The following MCC variants were observed in gnomAD, a reference collection of about 807,000 sequenced individuals.
The protein encoded by MCC is MCC regulator of Wnt signaling pathway.
MCC carries 90 observed loss-of-function variants against 116.2 expected under a neutral mutation model. The ratio of observed to expected loss-of-function variants is 0.77; its 90% CI spans 0.65 to 0.92. The LOEUF (loss-of-function observed/expected upper bound fraction) is 0.92, where lower values mean the gene tolerates loss of function less well. Among genes scored for constraint, MCC ranks in the 40% least tolerant of loss-of-function variants. MCC has a pLI of 0.00. For missense variants in MCC, 1,516 were observed against 1,312.2 expected, an observed-to-expected ratio of 1.16 and a Z score of -2.40; for synonymous variants, 578 against 510.5, an observed-to-expected ratio of 1.13 and a Z score of -1.78.
chr5:113,410,708 T>C (rs942221111), intron 1 of MCC, among the ~76,000 whole-genome samples: 1 of 152,236 alleles, frequency 6.6e-6, no homozygotes, highest in Non-Finnish European at 1.5e-5. Context: ...CTGCACCCAT[T>C]GAGACGTCAT....
chr5:113,164,514 A>AAAT (rs1760670335), intron 3 of MCC, among the ~76,000 whole-genome samples: 2 of 152,230 alleles, frequency 1.3e-5, no homozygotes, highest in African/African-American at 4.8e-5. Context: ...GGTAAATGGT[A>AAAT]GCCAGGACCA....
Position 113,366,032 on chromosome 5 carries a change from T to C in MCC, c.415+18936A>G, listed in dbSNP as rs151083168. Among the ~76,000 whole-genome samples, 595 of 152,324 alleles carry C rather than the reference T, an allele frequency of 3.9e-3. 6 individuals carry two copies. Among genetic ancestry groups the C allele is most frequent in the African/African-American group, 0.014 (571 of 41,578 alleles). On this transcript the variant is annotated intron_variant, in intron 2 of 18. Coordinates refer to ENST00000408903, the MANE Select transcript of MCC (RefSeq NM_001085377.2). ...GATGGTGACATAGATCCAAACCATA[T>C]CACCTCTCTTTCATATTTTACATCT...
At chr5:113,132,920 C>T (rs529459648) in intron 5 of MCC, among the ~76,000 whole-genome samples, 8 of 152,290 alleles carry the variant, frequency 5.3e-5, no homozygotes, top group African/African-American at 1.9e-4. Flanking sequence ...TCAATGGAAT[C>T]ATTTTTGTAT....
chr5:113,344,485 C>T (rs2150380014), intron 2 of MCC, among the ~76,000 whole-genome samples: 1 of 152,012 alleles, frequency 6.6e-6, no homozygotes, highest in Middle Eastern at 3.4e-3. Flanking sequence ...TACCCCACCT[C>T]AGTAACCCCA....
Position 113,026,575 on chromosome 5 carries a change from C to G in MCC, c.*727G>C, listed in dbSNP as rs1032879245. 6.6e-6 allele frequency: 1 copy of G among 152,150 alleles called. No individual in the cohort carries two copies. The highest frequency in any genetic ancestry group is 2.4e-5 in the African/African-American group (1 of 41,418). 9.4% of individuals were successfully genotyped at this position (152,150 alleles called of 1,614,324 possible). ...GGGAGAAATCCCAGAATCAAGAGAG[C>G]GCTCCCTTCCCAGCCCTGCCTCCAA... On this transcript the variant is annotated 3_prime_UTR_variant, in exon 19 of 19. Transcript: ENST00000408903.
In MCC at chr5:113,451,908, A is replaced by G. The variant is rs1771409616; in HGVS notation, c.170+36337T>C. On this transcript the variant is annotated intron_variant, in intron 1 of 18. Transcript: ENST00000408903. ...TTCTGTGGGTTGGCTGGGTTAGCTGAGCAGTCCTTTTGCTCTACATCATGT... is the reference window on the plus strand; with the variant it reads ...TTCTGTGGGTTGGCTGGGTTAGCTGGGCAGTCCTTTTGCTCTACATCATGT... 6.6e-5 allele frequency among the ~76,000 whole-genome samples: 10 copies of G among 152,298 alleles called. 2 individuals carry two copies. In the South Asian group the frequency reaches 2.1e-3, roughly 32 times the overall value.
intron 11 of MCC, among the ~76,000 whole-genome samples, chr5:113,082,638 A>C (rs1429100996): frequency 6.6e-6 from 1 of 152,260 alleles, no homozygotes; most frequent in Admixed American, 6.5e-5. Context: ...CTTTCTAAGC[A>C]TAAGGCCCAT....
Position 113,263,332 on chromosome 5 carries a change from A to G in MCC, c.627+77187T>C, listed in dbSNP as rs559220653. Among the ~76,000 whole-genome samples, 445 of 152,332 alleles carry G rather than the reference A, an allele frequency of 2.9e-3. 6 individuals carry two copies. The highest frequency in any genetic ancestry group is 0.01 in the Middle Eastern group (3 of 294). ...AAGGAAGAAGGAGGAAATGGAATCT[A>G]CAAGAGGAGACATCTACTCAGAACA... On this transcript the variant is annotated intron_variant, in intron 3 of 18. Coordinates refer to ENST00000408903, the MANE Select transcript of MCC (RefSeq NM_001085377.2).
At chr5:113,326,217 G>A (rs1270529002) in intron 3 of MCC, among the ~76,000 whole-genome samples, 1 of 152,130 alleles carries the variant, frequency 6.6e-6, no homozygotes, top group African/African-American at 2.4e-5. Context: ...CTGGTTAAAG[G>A]TTATTTCCGG....
At chr5:113,438,907 G>T (rs912383121) in intron 1 of MCC, among the ~76,000 whole-genome samples, 2 of 152,234 alleles carry the variant, frequency 1.3e-5, no homozygotes, top group Middle Eastern at 6.8e-3. Context: ...CTAAGCTTAT[G>T]GGAGAGAAAA....
intron 3 of MCC, among the ~76,000 whole-genome samples, chr5:113,189,105 G>A (rs578057117): frequency 4.6e-5 from 7 of 152,242 alleles, no homozygotes; most frequent in Middle Eastern, 6.8e-3. Flanking sequence ...GAACAGAACC[G>A]AGACAACCTC....
intron 1 of MCC, among the ~76,000 whole-genome samples, chr5:113,428,189 A>C (rs1032096973): frequency 6.6e-6 from 1 of 152,144 alleles, no homozygotes; most frequent in Non-Finnish European, 1.5e-5. Flanking sequence ...AAAATCTTCA[A>C]CCTCTAGTAC....
At chr5:113,325,517 T>A (rs1767531594) in intron 3 of MCC, among the ~76,000 whole-genome samples, 1 of 151,672 alleles carries the variant, frequency 6.6e-6, no homozygotes, top group African/African-American at 2.4e-5. Context: ...TTCATATGGC[T>A]TCCTAGACTT....
intron 3 of MCC, chr5:113,294,954 G>C (rs1179125769): frequency 2.0e-6 from 2 of 985,422 alleles, no homozygotes; most frequent in African/African-American, 3.5e-5. Flanking sequence ...GTTTCTGATT[G>C]AACACAGCTG....
chr5:113,136,040 G>A (rs974002651), intron 5 of MCC, among the ~76,000 whole-genome samples: 5 of 152,084 alleles, frequency 3.3e-5, no homozygotes, highest in African/African-American at 1.2e-4. Context: ...GCAACACTCT[G>A]TCTCAAAAAT....
At chr5:113,126,524 T>A (rs1758061816) in intron 5 of MCC, among the ~76,000 whole-genome samples, 1 of 152,180 alleles carries the variant, frequency 6.6e-6, no homozygotes, top group African/African-American at 2.4e-5. Flanking sequence ...TATTTGACAA[T>A]TTTCTGGAAA....
At chr5:113,214,128 A>T (rs1468204394) in intron 3 of MCC, among the ~76,000 whole-genome samples, 1 of 152,198 alleles carries the variant, frequency 6.6e-6, no homozygotes, top group African/African-American at 2.4e-5. Context: ...GGTGTGAATT[A>T]ACAAAAATCC....
At position 113,300,310 on chromosome 5, in the gene MCC, T is replaced by C. The variant is rs550052976; in HGVS notation, c.627+40209A>G. 1.9e-3 allele frequency among the ~76,000 whole-genome samples: 290 copies of C among 152,304 alleles called. 5 individuals are homozygous for C. Among genetic ancestry groups the C allele is most frequent in the Admixed American group, 0.016 (252 of 15,304 alleles). On this transcript the variant is annotated intron_variant, in intron 3 of 18. Transcript: ENST00000408903. ...ATCCTTGCCTACCCCAGCAGTCCAC[T>C]GTGCTGAGGAAGCCTGTCCTCCAGC...
intron 2 of MCC, among the ~76,000 whole-genome samples, chr5:113,348,986 C>T (rs982787295): frequency 6.6e-6 from 1 of 152,002 alleles, no homozygotes; most frequent in Non-Finnish European, 1.5e-5. Context: ...ACACATACAA[C>T]TTACCAAGAT....
Sources: gnomAD v4.1 joint callset for allele counts (sites outside exome capture counted in the v4.1 genomes callset) on GRCh38, gnomAD v4.1.1 for gene constraint, MANE v1.5 for transcripts, NCBI Gene and HGNC (gene_info 2026-07-23, HGNC 2026-07-21) for gene names.